CALN1: variants seen among roughly 807,000 people sequenced by gnomAD.
CALN1 encodes calneuron 1, also known as calcium-binding protein 8.
A neutral mutation model predicts 30.6 loss-of-function variants in CALN1; 17 were observed. The observed-to-expected ratio is 0.56, with a 90% CI of 0.38 to 0.83. The LOEUF (loss-of-function observed/expected upper bound fraction) is 0.83. CALN1 is among the 40% of genes least tolerant of loss of function. CALN1 has a pLI of 0.00. For synonymous variants in CALN1, 156 were observed against 131.4 expected, an observed-to-expected ratio of 1.19 and a Z score of -1.28; for missense variants, 291 against 354.9, an observed-to-expected ratio of 0.82 and a Z score of 1.45.
intron 2 of CALN1, among the ~76,000 whole-genome samples, chr7:72,393,705 G>A (rs1246157340): frequency 1.3e-5 from 2 of 150,970 alleles, no homozygotes; most frequent in African/African-American, 4.9e-5. Flanking sequence ...GGAATCAGGT[G>A]CCTAGGAGTC....
At position 72,403,371 on chromosome 7, in the gene CALN1, G is replaced by A. The variant is rs1372659692; in HGVS notation, c.-2C>T. The A allele has an allele frequency of 2.7e-5, 41 of 1,543,420 alleles. No individual in the cohort carries two copies. Among genetic ancestry groups the A allele is most frequent in the Non-Finnish European group, 3.4e-5 (39 of 1,144,934 alleles). ...TCCGGGTTGCTCTGGCAGCCGCATC[G>A]GGGGTCCAGGGCGATGTTCTCAGAG... On this transcript the variant is annotated 5_prime_UTR_variant, in exon 2 of 7. Transcript: ENST00000395275.
chr7:71,910,381 G>C (rs538118577), intron 5 of CALN1, among the ~76,000 whole-genome samples: 2 of 152,292 alleles, frequency 1.3e-5, no homozygotes, highest in African/African-American at 4.8e-5. Flanking sequence ...AACTTCCAAG[G>C]GTTGGGGAGG....
chr7:72,147,276 A>C (rs919254390), intron 3 of CALN1, among the ~76,000 whole-genome samples: 3 of 151,976 alleles, frequency 2.0e-5, no homozygotes, highest in Admixed American at 1.3e-4. Flanking sequence ...TTACAAGAAA[A>C]ACACAACCCC....
At chr7:72,313,225 C>T (rs1585448484) in intron 2 of CALN1, among the ~76,000 whole-genome samples, 1 of 151,982 alleles carries the variant, frequency 6.6e-6, no homozygotes, top group Non-Finnish European at 1.5e-5. Flanking sequence ...AGAGGTCAAC[C>T]CAGATGAGTA....
chr7:72,275,015 T>C (rs1231684435), intron 3 of CALN1, among the ~76,000 whole-genome samples: 1 of 152,068 alleles, frequency 6.6e-6, no homozygotes, highest in African/African-American at 2.4e-5. Flanking sequence ...ATTCACGAAG[T>C]GCACACCTTT....
At chr7:72,343,113 A>G (rs1585543667) in intron 2 of CALN1, among the ~76,000 whole-genome samples, 3 of 152,198 alleles carry the variant, frequency 2.0e-5, no homozygotes, top group Admixed American at 1.3e-4. Context: ...GGAAAAAGCT[A>G]TAACTGCCTC....
At position 71,811,835 on chromosome 7, in the gene CALN1, C is replaced by T. The variant is rs184031917; in HGVS notation, c.502-1343G>A. Among the ~76,000 whole-genome samples the T allele has an allele frequency of 3.7e-3, 558 of 151,996 alleles. 4 individuals carry two copies. Among genetic ancestry groups the T allele is most frequent in the African/African-American group, 0.012 (516 of 41,482 alleles). Reference sequence around the variant, plus strand: ...CTGGGATTACAGGTGTGCACCACCACGCCCAGCTAATTTTTGTATTTTTAG... The same window carrying T: ...CTGGGATTACAGGTGTGCACCACCATGCCCAGCTAATTTTTGTATTTTTAG... On this transcript the variant is annotated intron_variant, in intron 5 of 6. Coordinates refer to ENST00000395275, the MANE Select transcript of CALN1 (RefSeq NM_031468.4).
intron 2 of CALN1, among the ~76,000 whole-genome samples, chr7:72,326,662 A>T (rs1801298737): frequency 6.6e-6 from 1 of 152,226 alleles, no homozygotes; most frequent in African/African-American, 2.4e-5. Flanking sequence ...TCAGTACACA[A>T]ACAGATTACA....
chr7:72,301,610 C>CAAA (rs34940935), intron 2 of CALN1, among the ~76,000 whole-genome samples: 7,169 of 103,924 alleles, frequency 0.069, 464 homozygotes, highest in Middle Eastern at 0.1. Flanking sequence ...CTTTGTCTCT[C>CAAA]AAAAAAAAAA....
chr7:71,831,988 G>C lies in CALN1; in HGVS notation c.502-21496C>G, dbSNP rs543093647. Among the ~76,000 whole-genome samples the C allele has an allele frequency of 4.7e-5, 7 of 150,536 alleles. No individual in the cohort carries two copies. The South Asian group carries it at 1.5e-3, about 32-fold the overall frequency. ...TAATACAAATATAAGACATACTGTT[G>C]ATAGGCCCGTTAATGATGTGATGCC... On this transcript the variant is annotated intron_variant, in intron 5 of 6. Transcript: ENST00000395275.
At chr7:72,263,428 C>G (rs183696905) in intron 3 of CALN1, among the ~76,000 whole-genome samples, 6 of 152,170 alleles carry the variant, frequency 3.9e-5, no homozygotes, top group African/African-American at 1.4e-4. Flanking sequence ...CAGGGACTCA[C>G]TCTGTCATCC....
intron 3 of CALN1, among the ~76,000 whole-genome samples, chr7:72,253,650 T>G (rs983376542): frequency 1.3e-5 from 2 of 152,378 alleles, no homozygotes; most frequent in East Asian, 3.9e-4. Flanking sequence ...ACTACCCCCA[T>G]GATCCAATCA....
chr7:71,853,600 G>T (rs1790772359), intron 5 of CALN1, among the ~76,000 whole-genome samples: 1 of 150,206 alleles, frequency 6.7e-6, no homozygotes, highest in Non-Finnish European at 1.5e-5. Flanking sequence ...TTTTATTTGA[G>T]ACAGGGTCTT....
intron 5 of CALN1, among the ~76,000 whole-genome samples, chr7:72,017,298 G>A (rs1201689308): frequency 1.3e-5 from 2 of 152,032 alleles, no homozygotes; most frequent in East Asian, 3.9e-4. Flanking sequence ...GGTTTCTGGG[G>A]AGTAGATGCA....
At chr7:72,062,809 G>T (rs545796357) in intron 4 of CALN1, among the ~76,000 whole-genome samples, 2 of 152,222 alleles carry the variant, frequency 1.3e-5, no homozygotes, top group South Asian at 2.1e-4. Flanking sequence ...TCCTATTAAA[G>T]AAATTGCATT....
intron 5 of CALN1, among the ~76,000 whole-genome samples, chr7:71,903,014 TAAAAATTTTTTAAGTAAAAATTTAAA>T (rs1338867840): frequency 2.0e-5 from 3 of 152,030 alleles, no homozygotes; most frequent in East Asian, 3.9e-4. Context: ...AAAAATTACT[TAAAAATTTTTTAAGTAAAAATTTAAA>T]AAAAATTTTT....
intron 5 of CALN1, among the ~76,000 whole-genome samples, chr7:71,857,020 G>GTGTGTGTGTGTGTA (rs1554357100): frequency 1.1e-4 from 10 of 94,684 alleles, no homozygotes; most frequent in African/African-American, 8.9e-4. Context: ...ATATGTATGT[G>GTGTGTGTGTGTGTA]TGTGTGTGTG....
intron 4 of CALN1, among the ~76,000 whole-genome samples, chr7:72,057,404 T>G (rs906069610): frequency 2.1e-5 from 3 of 145,568 alleles, no homozygotes; most frequent in Admixed American, 2.1e-4. Context: ...TTTTTTTTTT[T>G]GATTCAGTAA....
chr7:72,287,235 C>T (rs1456991289), intron 2 of CALN1, among the ~76,000 whole-genome samples: 1 of 152,062 alleles, frequency 6.6e-6, no homozygotes, highest in South Asian at 2.1e-4. Flanking sequence ...ACAGTGACAA[C>T]TCTATTATCC....
Sources: allele counts gnomAD v4.1 joint callset (sites outside exome capture counted in the v4.1 genomes callset), GRCh38; gene constraint gnomAD v4.1.1; transcripts MANE v1.5; gene names NCBI Gene and HGNC (gene_info 2026-07-23, HGNC 2026-07-21).